Variants in MDGA2 observed in about 807,000 individuals in gnomAD.
MDGA2 encodes MAM domain-containing glycosylphosphatidylinositol anchor protein 2.
In MDGA2, 40 loss-of-function variants were observed where a neutral mutation model predicts 117.8. That is an observed-to-expected ratio of 0.34 (90% CI 0.26 to 0.44). The LOEUF (loss-of-function observed/expected upper bound fraction) is 0.44. MDGA2 is among the 20% of genes least tolerant of loss of function. MDGA2 has a pLI of 1.00. For missense variants in MDGA2, 1,123 were observed against 1,250.6 expected (o/e 0.90, Z 1.54); for synonymous variants, 452 against 439.0 (o/e 1.03, Z -0.37).
At chr14:47,293,815 A>T (rs1888969967) in intron 2 of MDGA2, among the ~76,000 whole-genome samples, 1 of 152,176 alleles carries the variant, frequency 6.6e-6, no homozygotes, top group Non-Finnish European at 1.5e-5. Context: ...TAAAATTTCT[A>T]AAAATCTTTG....
At chr14:47,153,213 T>A (rs1489199347) in intron 3 of MDGA2, among the ~76,000 whole-genome samples, 2 of 151,452 alleles carry the variant, frequency 1.3e-5, no homozygotes, top group African/African-American at 4.9e-5. Flanking sequence ...GCAAAAAGAG[T>A]GGTAAGGAGA....
At chr14:47,430,844 G>A (rs1402204108) in intron 1 of MDGA2, among the ~76,000 whole-genome samples, 2 of 152,100 alleles carry the variant, frequency 1.3e-5, no homozygotes, top group African/African-American at 4.8e-5. Flanking sequence ...CAGTCTAGCT[G>A]TTTGACTAGG....
At chr14:46,998,784 A>C (rs1000910610) in intron 8 of MDGA2, among the ~76,000 whole-genome samples, 1 of 152,130 alleles carries the variant, frequency 6.6e-6, no homozygotes, top group Non-Finnish European at 1.5e-5. Context: ...GATTTTATTT[A>C]TATAATCTTA....
chr14:46,924,838 T>G (rs1238133256), intron 9 of MDGA2, among the ~76,000 whole-genome samples: 5 of 152,012 alleles, frequency 3.3e-5, no homozygotes, highest in East Asian at 1.9e-4. Context: ...GAAAAAGAAG[T>G]CTCTAGGGAT....
At chr14:47,025,094 T>C (rs530065643) in intron 8 of MDGA2, among the ~76,000 whole-genome samples, 2 of 152,278 alleles carry the variant, frequency 1.3e-5, no homozygotes, top group African/African-American at 4.8e-5. Flanking sequence ...TATGAAACTA[T>C]AATTATTATT....
chr14:47,057,876 T>A (rs927101656), intron 7 of MDGA2, among the ~76,000 whole-genome samples: 1 of 152,020 alleles, frequency 6.6e-6, no homozygotes, highest in Non-Finnish European at 1.5e-5. Context: ...TGAGTCAGCC[T>A]CCCAGATTGC....
At chr14:47,528,222 G>A (rs546760507) in intron 1 of MDGA2, among the ~76,000 whole-genome samples, 5 of 152,188 alleles carry the variant, frequency 3.3e-5, no homozygotes, top group East Asian at 3.9e-4. Context: ...ACCTAAACAC[G>A]GCACTGCTAA....
At chr14:46,897,010 G>A (rs1026977376) in intron 10 of MDGA2, among the ~76,000 whole-genome samples, 3 of 152,036 alleles carry the variant, frequency 2.0e-5, no homozygotes, top group Non-Finnish European at 4.4e-5. Context: ...TATCCAGTAG[G>A]GTTCTTTGTT....
intron 1 of MDGA2, among the ~76,000 whole-genome samples, chr14:47,461,441 T>C (rs1215093897): frequency 1.3e-5 from 2 of 152,118 alleles, no homozygotes; most frequent in Non-Finnish European, 2.9e-5. Context: ...GATTCAAACC[T>C]AGAAATAACA....
intron 1 of MDGA2, among the ~76,000 whole-genome samples, chr14:47,662,490 G>C (rs1486821809): frequency 5.7e-5 from 1 of 17,684 alleles, no homozygotes; most frequent in African/African-American, 2.0e-4. Context: ...CTTTGCATAA[G>C]TAAGCTTAGA....
intron 3 of MDGA2, among the ~76,000 whole-genome samples, chr14:47,206,914 G>C (rs1299162842): frequency 1.3e-5 from 2 of 151,962 alleles, no homozygotes; most frequent in African/African-American, 4.8e-5. Context: ...ATGATAGATA[G>C]ATGACTGACA....
chr14:47,167,110 C>A (rs1275473669), intron 3 of MDGA2, among the ~76,000 whole-genome samples: 2 of 152,066 alleles, frequency 1.3e-5, no homozygotes, highest in African/African-American at 4.8e-5. Context: ...CCAACTCTCT[C>A]TATATATACT....
chr14:47,583,918 A>G (rs940192752), intron 1 of MDGA2, among the ~76,000 whole-genome samples: 15 of 151,838 alleles, frequency 9.9e-5, no homozygotes, highest in Non-Finnish European at 1.6e-4. Flanking sequence ...AGGGAAGACA[A>G]TCTTATCCCT....
rs200325713 is a variant in MDGA2, at chr14:47,134,763, TAC to T, written c.793-2919_793-2918del. Among the ~76,000 whole-genome samples the T allele has an allele frequency of 1.4e-3, 203 of 147,380 alleles. 2 individuals carry two copies. Among genetic ancestry groups the T allele is most frequent in the African/African-American group, 4.7e-3 (185 of 39,714 alleles). The stretch of plus-strand genomic sequence containing the variant: ...AATTACATATTTATGTGTGTATATA[TAC>T]ACACACACACACTATATATATATAT... On this transcript the variant is annotated intron_variant, in intron 4 of 16. Coordinates refer to ENST00000399232, the MANE Select transcript of MDGA2 (RefSeq NM_001113498.3).
chr14:47,520,659 A>C (rs570929745), intron 1 of MDGA2, among the ~76,000 whole-genome samples: 1 of 152,318 alleles, frequency 6.6e-6, no homozygotes, highest in African/African-American at 2.4e-5. Flanking sequence ...CCATTAAAAT[A>C]AATGAGCTCA....
chr14:47,385,747 A>G (rs1014894591), intron 1 of MDGA2, among the ~76,000 whole-genome samples: 4 of 152,140 alleles, frequency 2.6e-5, no homozygotes, highest in African/African-American at 9.7e-5. Context: ...AAAGAAGGAA[A>G]TGGGGTAGCT....
intron 2 of MDGA2, among the ~76,000 whole-genome samples, chr14:47,276,734 G>A (rs1186153052): frequency 6.6e-6 from 1 of 152,132 alleles, no homozygotes; most frequent in Non-Finnish European, 1.5e-5. Context: ...ATTTGGAGTG[G>A]TCAATGAGTT....
chr14:47,160,325 C>CT (rs921000614), intron 3 of MDGA2, among the ~76,000 whole-genome samples: 2 of 152,044 alleles, frequency 1.3e-5, no homozygotes, highest in African/African-American at 4.8e-5. Flanking sequence ...CTATTTCGGG[C>CT]TTTTTTGGTT....
intron 2 of MDGA2, among the ~76,000 whole-genome samples, chr14:47,235,168 C>T (rs1276771502): frequency 3.3e-5 from 5 of 152,122 alleles, no homozygotes; most frequent in Non-Finnish European, 7.4e-5. Flanking sequence ...ACGTATCCTA[C>T]TGGGTCATAA....
Sources: gnomAD v4.1 joint callset for allele counts (sites outside exome capture counted in the v4.1 genomes callset) on GRCh38, gnomAD v4.1.1 for gene constraint, MANE v1.5 for transcripts, NCBI Gene and HGNC (gene_info 2026-07-23, HGNC 2026-07-21) for gene names.